The following CELSR1 variants were observed in gnomAD, a reference collection of about 807,000 sequenced individuals.
The protein encoded by CELSR1 is adhesion G protein-coupled receptor C1.
CELSR1 carries 110 observed loss-of-function variants against 249.1 expected under a neutral mutation model. The observed-to-expected ratio is 0.44, with a 90% CI of 0.38 to 0.52. The LOEUF is 0.52. CELSR1 is among the 20% of genes least tolerant of loss of function. CELSR1 has a pLI of 0.00. For missense variants in CELSR1, 4,109 were observed against 4,296.4 expected, an observed-to-expected ratio of 0.96 and a Z score of 1.22; for synonymous variants, 2,113 against 1,900.0, an observed-to-expected ratio of 1.11 and a Z score of -2.92.
intron 1 of CELSR1, among the ~76,000 whole-genome samples, chr22:46,492,880 C>T (rs1349881555): frequency 1.3e-5 from 2 of 151,880 alleles, no homozygotes; most frequent in African/African-American, 4.8e-5. Flanking sequence ...TTCTTGGTAA[C>T]AGGACAAAAT....
chr22:46,386,514 G>A lies in CELSR1; in HGVS notation c.6627C>T (p.Ser2209=), dbSNP rs148729977. The A allele has an allele frequency of 6.9e-5, 111 of 1,597,152 alleles. No individual in the cohort carries two copies. Among genetic ancestry groups the A allele is most frequent in the Non-Finnish European group, 8.6e-5 (101 of 1,173,024 alleles). Residue 2209 remains serine, a synonymous_variant, in exon 19 of 35, where the codon AGC becomes AGT. Coordinates refer to ENST00000674500, the MANE Select transcript of CELSR1 (RefSeq NM_001378328.1). ...GGAGCAGCTGTGCCGTGCCGCCCTC[G>A]CTCCGCTGGATCTGCTCCCACGCCG... ...TRAAWEQIQR[S]EGGTAQLLRR...
At chr22:46,528,633 A>C (rs2080761781) in intron 1 of CELSR1, among the ~76,000 whole-genome samples, 1 of 152,360 alleles carries the variant, frequency 6.6e-6, no homozygotes, top group Non-Finnish European at 1.5e-5. Context: ...CTATTCCACT[A>C]TAAAAAAGAA....
chr22:46,536,750 C>A lies in CELSR1; in HGVS notation c.421G>T (p.Ala141Ser). 8.4e-7 allele frequency: 1 copy of A among 1,183,452 alleles called. No individual in the cohort carries two copies. The highest frequency in any genetic ancestry group is 3.7e-5 in the South Asian group (1 of 26,928). 73.3% of individuals were successfully genotyped at this position (1,183,452 alleles called of 1,614,324 possible). A position where few individuals can be genotyped will look rare whatever the true frequency, so the allele number is the denominator to read the frequency against. Residue 141 changes from alanine to serine, a missense_variant, in exon 1 of 35, where the codon GCC becomes TCC. Transcript: ENST00000674500. ...LCFPVPGGCAAAQHSALAAPT... is the reference protein window; with the variant it reads ...LCFPVPGGCASAQHSALAAPT... Reference sequence around the variant, plus strand: ...GCTGCGAGCGCCGAATGCTGCGCGGCCGCGCAGCCGCCGGGGACGGGGAAG... The same window carrying A: ...GCTGCGAGCGCCGAATGCTGCGCGGACGCGCAGCCGCCGGGGACGGGGAAG...
chr22:46,373,895 G>A (rs1327623782), intron 24 of CELSR1, among the ~76,000 whole-genome samples: 1 of 152,164 alleles, frequency 6.6e-6, no homozygotes, highest in East Asian at 1.9e-4. Flanking sequence ...GGAGGAGAAC[G>A]AGGGCCCCCG....
intron 1 of CELSR1, chr22:46,481,761 C>T (rs1480836914): frequency 4.5e-6 from 2 of 440,050 alleles, no homozygotes; most frequent in East Asian, 8.5e-5. Context: ...TGTGCTGCCC[C>T]AGTTATTTGA....
chr22:46,369,286 C>CAGG (rs11276141), intron 26 of CELSR1, 28 bp from the exon 27 acceptor site: 6 of 1,587,978 alleles, frequency 3.8e-6, no homozygotes, highest in Non-Finnish European at 4.3e-6. Context: ...CGATCAATGT[C>CAGG]TTCTCTCTCG....
chr22:46,378,821 G>A (rs1421957433), intron 22 of CELSR1, 104 bp from the exon 23 acceptor site: 9 of 1,439,306 alleles, frequency 6.3e-6, no homozygotes, highest in Non-Finnish European at 8.4e-6. Flanking sequence ...AGGCCATCCT[G>A]GCCAAACCAA....
At chr22:46,397,902 G>A (rs2079168595) in intron 11 of CELSR1, 54 bp from the exon 12 acceptor site, 16 of 1,393,250 alleles carry the variant, frequency 1.1e-5, no homozygotes, top group African/African-American at 1.5e-5. Flanking sequence ...GTATGTAGGG[G>A]TTAAGGGAAC....
rs572329288 is a variant in CELSR1, at chr22:46,391,378, G to A, written c.6149-91C>T. On this transcript the variant is annotated intron_variant, in intron 15 of 34. Coordinates refer to ENST00000674500, the MANE Select transcript of CELSR1 (RefSeq NM_001378328.1). The surrounding 1 kb of genome is among the most constrained non-coding windows in gnomAD (Gnocchi z 4.3). ...CACTGTCTGCATGCGCCTCCCTGCA[G>A]GAGGCCCTGCTCCCACCAAGAACCG... The A allele has an allele frequency of 7.6e-6, 9 of 1,190,834 alleles. No homozygotes were observed. The highest frequency in any genetic ancestry group is 4.5e-5 in the African/African-American group (3 of 66,400). The allele number at this position is 1,190,834 out of a possible 1,614,324, so 73.8% of individuals were successfully genotyped here. A position where few individuals can be genotyped will look rare whatever the true frequency, so the allele number is the denominator to read the frequency against.
chr22:46,418,944 G>A lies in CELSR1; in HGVS notation c.4612-7185C>T, dbSNP rs181086912. ...AAACACAAGAACCGTGGGTCCGGAG[G>A]CAGGAGTCCCCTGGGCATGCGTGTT... is the stretch of plus-strand genomic sequence containing the variant. On this transcript the variant is annotated intron_variant, in intron 5 of 34. Transcript: ENST00000674500. Among the ~76,000 whole-genome samples the A allele has an allele frequency of 6.8e-4, 104 of 152,342 alleles. 1 individual carries two copies. Among genetic ancestry groups the A allele is most frequent in the Admixed American group, 4.4e-3 (67 of 15,304 alleles).
chr22:46,432,666 C>T (rs145290645), intron 5 of CELSR1, among the ~76,000 whole-genome samples: 21 of 152,348 alleles, frequency 1.4e-4, no homozygotes, highest in African/African-American at 5.0e-4. Flanking sequence ...CCAGCCTTCA[C>T]GGCACTTCCT....
At chr22:46,383,620 G>A (rs1025750480) in intron 20 of CELSR1, among the ~76,000 whole-genome samples, 14 of 152,146 alleles carry the variant, frequency 9.2e-5, no homozygotes, top group African/African-American at 1.7e-4. Context: ...TCCATCTCCC[G>A]GACTCAAGCA....
chr22:46,373,162 C>T, intron 24 of CELSR1, 105 bp from the exon 25 acceptor site: 3 of 1,220,936 alleles, frequency 2.5e-6, no homozygotes, highest in Non-Finnish European at 3.3e-6. Context: ...TTCGGACCAC[C>T]CTATGTGTCT....
intron 29 of CELSR1, 151 bp from the exon 30 acceptor site, chr22:46,366,631 A>G (rs553541931): frequency 9.6e-5 from 67 of 699,544 alleles, no homozygotes; most frequent in Non-Finnish European, 1.4e-4. Flanking sequence ...CCAAGCAGTC[A>G]ACCCTCACTG....
intron 22 of CELSR1, among the ~76,000 whole-genome samples, chr22:46,379,040 C>G (rs2073909840): frequency 6.6e-6 from 1 of 152,240 alleles, no homozygotes; most frequent in African/African-American, 2.4e-5. Flanking sequence ...AGTTCAAGTT[C>G]TACGTGCCAT....
At chr22:46,523,256 C>G (rs561021238) in intron 1 of CELSR1, among the ~76,000 whole-genome samples, 3 of 152,296 alleles carry the variant, frequency 2.0e-5, no homozygotes, top group Admixed American at 2.0e-4. Context: ...TAGCCTGGTG[C>G]AGTGGCTGAT....
intron 19 of CELSR1, among the ~76,000 whole-genome samples, chr22:46,385,890 G>A (rs1435357314): frequency 2.0e-5 from 3 of 151,424 alleles, no homozygotes; most frequent in Non-Finnish European, 4.4e-5. Flanking sequence ...TGTTAGCCAG[G>A]ATGGTCTTGA....
rs565799988 is a variant in CELSR1 at position 46,486,207 on chromosome 22, A to G, written c.3545-21862T>C. On this transcript the variant is annotated intron_variant, in intron 1 of 34. Coordinates refer to ENST00000674500, the MANE Select transcript of CELSR1 (RefSeq NM_001378328.1). ...GCCAGCCTCGGCCTCCCAAAGTGCT[A>G]GGATTACAGGAGTGAGCCACCGCGC... Among the ~76,000 whole-genome samples, 13 of 150,548 alleles carry G rather than the reference A, an allele frequency of 8.6e-5. No individual in the cohort carries two copies. In the East Asian group the frequency reaches 1.3e-3, roughly 15 times the overall value.
Position 46,473,610 on chromosome 22 carries a change from G to T in CELSR1, c.3545-9265C>A, listed in dbSNP as rs1274117368. ...TTAGGGCAGCCCATGATGCCCTCGGGGTCCAGAGTCATTCCCCGTGGCCGG... is the reference window on the plus strand; with the variant it reads ...TTAGGGCAGCCCATGATGCCCTCGGTGTCCAGAGTCATTCCCCGTGGCCGG... On this transcript the variant is annotated intron_variant, in intron 1 of 34. Transcript: ENST00000674500. This position sits in a 1 kb window ranked among gnomAD's most constrained non-coding sequence, Gnocchi z 6.6. 6.6e-6 allele frequency among the ~76,000 whole-genome samples: 1 copy of T among 152,162 alleles called. No individual in the cohort carries two copies. Among genetic ancestry groups the T allele is most frequent in the African/African-American group, 2.4e-5 (1 of 41,434 alleles).
Sources: gnomAD v4.1 joint callset for allele counts (sites outside exome capture counted in the v4.1 genomes callset) on GRCh38, gnomAD v4.1.1 for gene constraint, Gnocchi (gnomAD v3.1) non-coding constraint, MANE v1.5 for transcripts, NCBI Gene and HGNC (gene_info 2026-07-23, HGNC 2026-07-21) for gene names.